The following BRMS1 variants were observed in gnomAD, a reference collection of about 807,000 sequenced individuals.
BRMS1 encodes BRMS1 transcriptional repressor and anoikis regulator.
In BRMS1, 26 loss-of-function variants were observed where a neutral mutation model predicts 40.4. That is an observed-to-expected ratio of 0.64 (90% CI 0.47 to 0.89). BRMS1 has a LOEUF of 0.89. BRMS1 is among the 40% of genes least tolerant of loss of function. The pLI, the probability that BRMS1 is intolerant of heterozygous loss-of-function variation, is 0.00. For missense variants in BRMS1, 289 were observed against 309.4 expected, an observed-to-expected ratio of 0.93 and a Z score of 0.49; for synonymous variants, 103 against 116.0, an observed-to-expected ratio of 0.89 and a Z score of 0.72.
chr11:66,337,602 T>C lies in BRMS1; in HGVS notation c.*280A>G. 1 of 1,278,998 alleles carries C rather than the reference T, an allele frequency of 7.8e-7. No individual in the cohort carries two copies. Among genetic ancestry groups the C allele is most frequent in the Non-Finnish European group, 1.1e-6 (1 of 936,582 alleles). 79.2% of individuals were successfully genotyped at this position (1,278,998 alleles called of 1,614,324 possible). On this transcript the variant is annotated 3_prime_UTR_variant, in exon 10 of 10. Coordinates refer to ENST00000359957, the MANE Select transcript of BRMS1 (RefSeq NM_015399.4). Reference sequence around the variant, plus strand: ...TCTCTGTCAGGGGAGCCCCAAGAGATGGATCTTCAGGAGTGGGAGGTGGCA... The same window carrying C: ...TCTCTGTCAGGGGAGCCCCAAGAGACGGATCTTCAGGAGTGGGAGGTGGCA...
rs990271614 is a variant in BRMS1 at position 66,341,712 on chromosome 11, C to T, written c.140-89G>A. 10 of 1,077,318 alleles carry T rather than the reference C, an allele frequency of 9.3e-6. No individual in the cohort carries two copies. Among genetic ancestry groups the T allele is most frequent in the East Asian group, 2.4e-5 (1 of 42,246 alleles). The allele number at this position is 1,077,318 out of a possible 1,614,324, so 66.7% of individuals were successfully genotyped here. A position where few individuals can be genotyped will look rare whatever the true frequency, so the allele number is the denominator to read the frequency against. ...TGTGCGTCCTGCATGTGTGTGTGTG[C>T]ATGCATGCCTGTGTGTAGGGCCTGT... On this transcript the variant is annotated intron_variant, in intron 2 of 9. Coordinates refer to ENST00000359957, the MANE Select transcript of BRMS1 (RefSeq NM_015399.4). This position sits in a 1 kb window ranked among gnomAD's most constrained non-coding sequence, Gnocchi z 4.9.
At chr11:66,342,608 A>C (rs1347607265) in intron 1 of BRMS1, among the ~76,000 whole-genome samples, 1 of 152,192 alleles carries the variant, frequency 6.6e-6, no homozygotes, top group Non-Finnish European at 1.5e-5. Flanking sequence ...CGCTCTGTTG[A>C]CAAGCTGGAG....
At chr11:66,342,771 G>A (rs895957058) in intron 1 of BRMS1, among the ~76,000 whole-genome samples, 2 of 152,216 alleles carry the variant, frequency 1.3e-5, no homozygotes, top group African/African-American at 2.4e-5. Context: ...GTCTTTCCCA[G>A]ACTGGACTTG....
At position 66,337,810 on chromosome 11, in the gene BRMS1, G is replaced by C. The variant is rs374801029; in HGVS notation, c.*72C>G. On this transcript the variant is annotated 3_prime_UTR_variant, in exon 10 of 10. Transcript: ENST00000359957. ...GAGGGGCCTGTGGGTCCGCCTGTCTGCAGGAGGAAGACGAGAATCCTGGGT... is the reference window on the plus strand; with the variant it reads ...GAGGGGCCTGTGGGTCCGCCTGTCTCCAGGAGGAAGACGAGAATCCTGGGT... 79 of 1,614,026 alleles carry C rather than the reference G, an allele frequency of 4.9e-5. No homozygotes were observed. The Middle Eastern group carries it at 4.9e-4, about 10-fold the overall frequency.
At chr11:66,339,942 C>A in intron 7 of BRMS1, 179 bp downstream of exon 7, 1 of 579,616 alleles carries the variant, frequency 1.7e-6, no homozygotes, top group Admixed American at 2.9e-5. Context: ...CAGAGAGACC[C>A]AGGACCCCGT....
In BRMS1 at chr11:66,337,517, G is replaced by A. The variant is rs552677180; in HGVS notation, c.*365C>T. 1 of 670,766 alleles carries A rather than the reference G, an allele frequency of 1.5e-6. No homozygotes were observed. The highest frequency in any genetic ancestry group is 2.7e-5 in the East Asian group (1 of 36,394). The allele number at this position is 670,766 out of a possible 1,614,324, so 41.6% of individuals were successfully genotyped here. A position where few individuals can be genotyped will look rare whatever the true frequency, so the allele number is the denominator to read the frequency against. On this transcript the variant is annotated 3_prime_UTR_variant, in exon 10 of 10. Transcript: ENST00000359957. ...CAGTGGAAACTGGCTCCCTGGCCCTGAGGCCGGACAGCCTGCATCCAACAT... is the reference window on the plus strand; with the variant it reads ...CAGTGGAAACTGGCTCCCTGGCCCTAAGGCCGGACAGCCTGCATCCAACAT...
At chr11:66,338,603 G>A in intron 8 of BRMS1, 118 bp downstream of exon 8, 1 of 1,579,438 alleles carries the variant, frequency 6.3e-7, no homozygotes, top group Non-Finnish European at 8.6e-7. Flanking sequence ...GGGACTCTGG[G>A]CTGAAGATGG....
intron 6 of BRMS1, 44 bp from the exon 7 acceptor site, chr11:66,340,257 G>A: frequency 1.3e-6 from 2 of 1,539,192 alleles, no homozygotes; most frequent in Non-Finnish European, 1.8e-6. Context: ...TGGCCCACAG[G>A]ATACTCCCTT....
rs376902794 is a variant in BRMS1, at chr11:66,340,164, G to A, written c.585C>T (p.Asp195=). Residue 195 remains aspartate (D), a synonymous_variant, in exon 7 of 10, where the codon GAC becomes GAT. Transcript: ENST00000359957. Reference sequence around the variant, plus strand: ...TCTTCCTCTTGCTGGGCGGCAGGGAGTCCCAAGACCTGGAGCTGCCTCTGG... The same window carrying A: ...TCTTCCTCTTGCTGGGCGGCAGGGAATCCCAAGACCTGGAGCTGCCTCTGG... ...LHARGSSRSW[D]SLPPSKRKKA... 3.1e-6 allele frequency: 5 copies of A among 1,613,586 alleles called. No homozygotes were observed. The Middle Eastern group carries it at 4.9e-4, about 159-fold the overall frequency.
intron 7 of BRMS1, 64 bp from the exon 8 acceptor site, chr11:66,338,849 G>A: frequency 6.8e-7 from 1 of 1,462,778 alleles, no homozygotes; most frequent in Non-Finnish European, 9.2e-7. Flanking sequence ...CCACCCACCT[G>A]ACATTCAGGA....
Position 66,345,104 on chromosome 11 carries a change from C to G in BRMS1, c.-140G>C, listed in dbSNP as rs1796517367. 6.6e-6 allele frequency: 1 copy of G among 152,246 alleles called. No homozygotes were observed. The allele number at this position is 152,246 out of a possible 1,614,324, so 9.4% of individuals were successfully genotyped here. A position where few individuals can be genotyped will look rare whatever the true frequency, so the allele number is the denominator to read the frequency against. ...CTTTTCTTCGGGAGGCAGAGCCTAT[C>G]GGTGCTTCCGTGTGCGTCATCAGGA... On this transcript the variant is annotated 5_prime_UTR_variant, in exon 1 of 10. Coordinates refer to ENST00000359957, the MANE Select transcript of BRMS1 (RefSeq NM_015399.4).
intron 8 of BRMS1, 171 bp downstream of exon 8, chr11:66,338,550 G>A (rs757769913): frequency 6.6e-6 from 10 of 1,519,886 alleles, no homozygotes; most frequent in Admixed American, 2.0e-5. Context: ...CCTTTTCCCA[G>A]GGCCGCCTTG....
intron 1 of BRMS1, among the ~76,000 whole-genome samples, chr11:66,343,847 C>T (rs1855141709): frequency 1.3e-5 from 1 of 79,796 alleles, no homozygotes; most frequent in Non-Finnish European, 2.6e-5. Flanking sequence ...GGAGGCAAAA[C>T]CCGAAGTGGT....
Position 66,337,543 on chromosome 11 carries a change from C to CAGCA in BRMS1, c.*335_*338dup, listed in dbSNP as rs1854943827. The CAGCA allele has an allele frequency of 7.5e-6, 6 of 797,558 alleles. No homozygotes were observed. The highest frequency in any genetic ancestry group is 9.7e-6 in the Non-Finnish European group (5 of 514,362). The allele number at this position is 797,558 out of a possible 1,614,324, so 49.4% of individuals were successfully genotyped here. On this transcript the variant is annotated 3_prime_UTR_variant, in exon 10 of 10. Coordinates refer to ENST00000359957, the MANE Select transcript of BRMS1 (RefSeq NM_015399.4). ...AGGCCGGACAGCCTGCATCCAACAT[C>CAGCA]AGCAAGAGGATGTGGCTTTGACTTC... is the stretch of plus-strand genomic sequence containing the variant.
chr11:66,338,766 C>T lies in BRMS1; in HGVS notation c.648G>A (p.Met216Ile). Residue 216 changes from methionine to isoleucine, a missense_variant, in exon 8 of 10, where the codon ATG (methionine) becomes ATA (isoleucine). Met to Ile is a conservative substitution (Grantham distance 10, BLOSUM62 1). Transcript: ENST00000359957. ...CCTCCAGGATGTCGATCTCTTGAAG[C>T]ATGTACACGATGTATGGGCCTGTGG... ...PLVSGPYIVY[M>I]LQEIDILEDW... 1 of 1,576,112 alleles carries T rather than the reference C, an allele frequency of 6.3e-7. No homozygotes were observed. The highest frequency in any genetic ancestry group is 1.2e-5 in the South Asian group (1 of 85,508).
chr11:66,342,574 T>A (rs1476707242), intron 1 of BRMS1, among the ~76,000 whole-genome samples: 2 of 152,210 alleles, frequency 1.3e-5, no homozygotes, highest in Non-Finnish European at 2.9e-5. Flanking sequence ...TCTTTTCTTC[T>A]TATTATTTTT....
In BRMS1 at chr11:66,339,997, C is replaced by T. The variant is rs962851849; in HGVS notation, c.628+124G>A. 16 of 725,724 alleles carry T rather than the reference C, an allele frequency of 2.2e-5. No individual in the cohort carries two copies. The East Asian group carries it at 4.3e-4, about 20-fold the overall frequency. 45.0% of individuals were successfully genotyped at this position (725,724 alleles called of 1,614,324 possible). A position where few individuals can be genotyped will look rare whatever the true frequency, so the allele number is the denominator to read the frequency against. ...GATTTGCCTGGACATATTCACATGA[C>T]ACCAAGCAACCACGAGTGCATCTAG... is the stretch of plus-strand genomic sequence containing the variant. On this transcript the variant is annotated intron_variant, in intron 7 of 9. Transcript: ENST00000359957.
chr11:66,337,705 G>A lies in BRMS1; in HGVS notation c.*177C>T, dbSNP rs1263694721. 1 of 1,603,828 alleles carries A rather than the reference G, an allele frequency of 6.2e-7. No individual in the cohort carries two copies. Among genetic ancestry groups the A allele is most frequent in the Admixed American group, 1.7e-5 (1 of 58,114 alleles). Reference sequence around the variant, plus strand: ...CCACAGCTGTGCAGGCCTCGAGGAGGGCAGAGGAGGAGTCCAGGCCAGTGC... The same window carrying A: ...CCACAGCTGTGCAGGCCTCGAGGAGAGCAGAGGAGGAGTCCAGGCCAGTGC... On this transcript the variant is annotated 3_prime_UTR_variant, in exon 10 of 10. Coordinates refer to ENST00000359957, the MANE Select transcript of BRMS1 (RefSeq NM_015399.4).
chr11:66,341,747 C>G lies in BRMS1; in HGVS notation c.140-124G>C. The G allele has an allele frequency of 1.2e-6, 1 of 820,468 alleles. No homozygotes were observed. Among genetic ancestry groups the G allele is most frequent in the Admixed American group, 1.8e-5 (1 of 55,286 alleles). 50.8% of individuals were successfully genotyped at this position (820,468 alleles called of 1,614,324 possible). Reference sequence around the variant, plus strand: ...TGTGTGTAGGGCCTGTGTGTGTGTGCGCGTACATGCTTGTGTGAAGGGGCT... The same window carrying G: ...TGTGTGTAGGGCCTGTGTGTGTGTGGGCGTACATGCTTGTGTGAAGGGGCT... On this transcript the variant is annotated intron_variant, in intron 2 of 9. Coordinates refer to ENST00000359957, the MANE Select transcript of BRMS1 (RefSeq NM_015399.4). The surrounding 1 kb of genome is among the most constrained non-coding windows in gnomAD (Gnocchi z 4.9).
Sources: allele counts gnomAD v4.1 joint callset (sites outside exome capture counted in the v4.1 genomes callset), GRCh38; gene constraint gnomAD v4.1.1; non-coding constraint Gnocchi (gnomAD v3.1); transcripts MANE v1.5; gene names NCBI Gene and HGNC (gene_info 2026-07-23, HGNC 2026-07-21).